The following PTPN13 variants were observed in gnomAD, a reference collection of about 807,000 sequenced individuals.
The protein encoded by PTPN13 is protein tyrosine phosphatase non-receptor type 13, also known as tyrosine-protein phosphatase non-receptor type 13.
PTPN13 carries 191 observed loss-of-function variants against 284.0 expected under a neutral mutation model. That is an observed-to-expected ratio of 0.67 (90% CI 0.60 to 0.76). The LOEUF (loss-of-function observed/expected upper bound fraction) is 0.76, where lower values mean the gene tolerates loss of function less well. Ranked by LOEUF, PTPN13 falls within the 30% of genes least tolerant of loss-of-function variation. PTPN13 has a pLI of 0.00. For missense variants in PTPN13, 2,797 were observed against 2,939.9 expected (o/e 0.95, Z 1.12); for synonymous variants, 986 against 1,022.3 (o/e 0.96, Z 0.68).
chr4:86,678,634 C>T (rs542341825), intron 3 of PTPN13, among the ~76,000 whole-genome samples: 1 of 152,134 alleles, frequency 6.6e-6, no homozygotes, highest in Non-Finnish European at 1.5e-5. Context: ...CTTCTTATAC[C>T]CTGAAACTTT....
intron 10 of PTPN13, among the ~76,000 whole-genome samples, chr4:86,727,308 C>T (rs1366254614): frequency 6.7e-6 from 1 of 149,634 alleles, no homozygotes; most frequent in Admixed American, 6.7e-5. Context: ...ACTTTGGTAT[C>T]AGGACAATGC....
chr4:86,787,050 G>T (rs767986061), intron 40 of PTPN13, among the ~76,000 whole-genome samples: 15 of 151,698 alleles, frequency 9.9e-5, no homozygotes, highest in Non-Finnish European at 1.9e-4. Context: ...GTTGCATTGA[G>T]CGGAGATCAT....
At chr4:86,628,955 A>G (rs948920160) in intron 1 of PTPN13, among the ~76,000 whole-genome samples, 7 of 151,708 alleles carry the variant, frequency 4.6e-5, no homozygotes, top group Admixed American at 2.0e-4. Flanking sequence ...TAGTGCCGCA[A>G]TAAACATACG....
At chr4:86,768,115 A>G (rs11097118) in intron 28 of PTPN13, 139 bp downstream of exon 28, 82,072 of 744,762 alleles carry the variant, frequency 0.11, 5,790 homozygotes, top group African/African-American at 0.26. Flanking sequence ...ATCTGACATC[A>G]CACCATACTG....
At chr4:86,598,405 A>G (rs962213728) in intron 1 of PTPN13, among the ~76,000 whole-genome samples, 1 of 152,128 alleles carries the variant, frequency 6.6e-6, no homozygotes, top group Non-Finnish European at 1.5e-5. Flanking sequence ...TCAGCCTCCC[A>G]AAGTGCTGGG....
At chr4:86,691,432 G>C (rs1438833055) in intron 5 of PTPN13, among the ~76,000 whole-genome samples, 1 of 152,056 alleles carries the variant, frequency 6.6e-6, no homozygotes, top group Non-Finnish European at 1.5e-5. Flanking sequence ...TCAGCATGTA[G>C]AGAGCCTCTC....
intron 44 of PTPN13, 95 bp downstream of exon 44, chr4:86,805,464 C>CCGTGTG: frequency 1.7e-6 from 1 of 585,902 alleles, no homozygotes; most frequent in Non-Finnish European, 2.9e-6. Context: ...CCTCACATAA[C>CCGTGTG]CGTGTGCATG....
chr4:86,740,425 C>T (rs1736040732), intron 15 of PTPN13, among the ~76,000 whole-genome samples: 1 of 152,206 alleles, frequency 6.6e-6, no homozygotes, highest in Non-Finnish European at 1.5e-5. Flanking sequence ...AAACAACAGC[C>T]TGAGCTGTAC....
chr4:86,745,715 G>T (rs1229022382), intron 17 of PTPN13, among the ~76,000 whole-genome samples: 1 of 152,052 alleles, frequency 6.6e-6, no homozygotes. Context: ...GGCGGAGGTT[G>T]CAGTGAGCTG....
chr4:86,684,951 C>T (rs1578411291), intron 3 of PTPN13, among the ~76,000 whole-genome samples: 1 of 152,184 alleles, frequency 6.6e-6, no homozygotes. Context: ...AGGACTTTCT[C>T]TAATATATCT....
rs563121543 is a variant in PTPN13 at position 86,605,872 on chromosome 4, A to G, written c.-6+11083A>G. On this transcript the variant is annotated intron_variant, in intron 1 of 47. Transcript: ENST00000411767. ...GGGAATCATTACTGTTGGGAAAGTA[A>G]TGAGAGGTTGTTAAAGGATTTATAG... 6.6e-5 allele frequency among the ~76,000 whole-genome samples: 10 copies of G among 151,990 alleles called. No homozygotes were observed. In the South Asian group the frequency reaches 1.9e-3, roughly 28 times the overall value.
chr4:86,683,154 T>C (rs183544037), intron 3 of PTPN13, among the ~76,000 whole-genome samples: 92 of 151,828 alleles, frequency 6.1e-4, no homozygotes, highest in Non-Finnish European at 1.3e-4. Context: ...TGTGTGCGTG[T>C]GTGTGTGTGT....
At chr4:86,742,676 T>G (rs1207854550) in intron 16 of PTPN13, among the ~76,000 whole-genome samples, 1 of 152,164 alleles carries the variant, frequency 6.6e-6, no homozygotes. Flanking sequence ...ATTTCCAGAT[T>G]ATATGTTCTC....
chr4:86,710,764 A>G (rs1482794575), intron 7 of PTPN13, among the ~76,000 whole-genome samples: 1 of 152,196 alleles, frequency 6.6e-6, no homozygotes, highest in African/African-American at 2.4e-5. Context: ...GGATAAGATT[A>G]CAGATAAAAG....
Position 86,763,112 on chromosome 4 carries a change from T to A in PTPN13, c.3939T>A (p.Thr1313=). ...KTKKPGISDV[T]DYSDRGDSDM... ...AAAAGCCAGGCATTTCTGATGTAACTGATTACTCAGACCGTGGAGATTCAG... is the reference window on the plus strand; with the variant it reads ...AAAAGCCAGGCATTTCTGATGTAACAGATTACTCAGACCGTGGAGATTCAG... Residue 1313 remains threonine, a synonymous_variant, in exon 24 of 48, where the codon ACT becomes ACA. Transcript: ENST00000411767. 6.2e-7 allele frequency: 1 copy of A among 1,613,426 alleles called. No individual in the cohort carries two copies.
At chr4:86,632,960 A>G (rs1418073247) in intron 1 of PTPN13, among the ~76,000 whole-genome samples, 1 of 151,766 alleles carries the variant, frequency 6.6e-6, no homozygotes, top group Non-Finnish European at 1.5e-5. Context: ...AGTAGGCACC[A>G]CCATGCCCGG....
At chr4:86,687,966 T>C (rs1729619173) in intron 4 of PTPN13, among the ~76,000 whole-genome samples, 1 of 152,324 alleles carries the variant, frequency 6.6e-6, no homozygotes, top group Middle Eastern at 3.4e-3. Context: ...TGTCAGATAC[T>C]GTTAGACACT....
At chr4:86,708,460 C>T (rs115122386) in intron 7 of PTPN13, among the ~76,000 whole-genome samples, 11 of 152,130 alleles carry the variant, frequency 7.2e-5, no homozygotes, top group Non-Finnish European at 1.5e-4. Flanking sequence ...ACAGACTTTC[C>T]AGTGTCTGTA....
intron 23 of PTPN13, among the ~76,000 whole-genome samples, 183 bp from the exon 24 acceptor site, chr4:86,762,544 T>C (rs1738817645): frequency 6.6e-6 from 1 of 152,108 alleles, no homozygotes. Context: ...TGCATTTCAA[T>C]AGAGGTTGTC....
Sources: gnomAD v4.1 joint callset for allele counts (sites outside exome capture counted in the v4.1 genomes callset) on GRCh38, gnomAD v4.1.1 for gene constraint, MANE v1.5 for transcripts, NCBI Gene and HGNC (gene_info 2026-07-23, HGNC 2026-07-21) for gene names.